GRB10: variants seen among roughly 807,000 people sequenced by gnomAD.
GRB10 encodes the protein growth factor receptor bound protein 10.
Under a neutral mutation model 80.9 loss-of-function variants are expected in GRB10, and 20 were observed. The ratio of observed to expected loss-of-function variants is 0.25; its 90% CI spans 0.17 to 0.36. The LOEUF (loss-of-function observed/expected upper bound fraction) is 0.36. GRB10 is among the 10% of genes least tolerant of loss of function. The pLI, the probability that GRB10 is intolerant of heterozygous loss-of-function variation, is 1.00. For synonymous variants in GRB10, 291 were observed against 291.5 expected, an observed-to-expected ratio of 1.00 and a Z score of 0.02; for missense variants, 548 against 747.7, an observed-to-expected ratio of 0.73 and a Z score of 3.12.
intron 7 of GRB10, among the ~76,000 whole-genome samples, chr7:50,653,489 T>C (rs1210680020): frequency 6.6e-6 from 1 of 152,180 alleles, no homozygotes; most frequent in African/African-American, 2.4e-5. Context: ...GGTCTGACAT[T>C]TTCATCTCAT....
chr7:50,631,026 A>T (rs1447461311), intron 7 of GRB10, among the ~76,000 whole-genome samples: 1 of 152,150 alleles, frequency 6.6e-6, no homozygotes, highest in Non-Finnish European at 1.5e-5. Context: ...CCACGGCCCC[A>T]AACTCCACTC....
chr7:50,645,712 G>C (rs754375423), intron 7 of GRB10: 43 of 692,628 alleles, frequency 6.2e-5, no homozygotes, highest in Non-Finnish European at 7.5e-5. Context: ...TCCCAGACAG[G>C]CTCAGTAAAC....
intron 2 of GRB10, among the ~76,000 whole-genome samples, chr7:50,775,231 T>C (rs575198864): frequency 9.4e-6 from 1 of 106,114 alleles, no homozygotes; most frequent in South Asian, 2.9e-4. Context: ...AAGGGAGAAA[T>C]AGGAAAGAAA....
chr7:50,627,472 G>A (rs951296452), intron 7 of GRB10, among the ~76,000 whole-genome samples: 7 of 152,166 alleles, frequency 4.6e-5, no homozygotes, highest in Non-Finnish European at 8.8e-5. Flanking sequence ...AGCCTTTCCC[G>A]CAGCACCTCA....
intron 17 of GRB10, among the ~76,000 whole-genome samples, chr7:50,597,047 A>G (rs2046781771): frequency 1.3e-5 from 2 of 152,240 alleles, no homozygotes; most frequent in African/African-American, 4.8e-5. Context: ...CCAGGTCTAG[A>G]TTGTAATGTG....
intron 5 of GRB10, among the ~76,000 whole-genome samples, chr7:50,696,159 A>G (rs184106741): frequency 3.3e-5 from 5 of 152,336 alleles, no homozygotes; most frequent in African/African-American, 9.6e-5. Flanking sequence ...ATTGAAATGG[A>G]TATACATGCA....
intron 1 of GRB10, chr7:50,781,255 G>C (rs2078240921): frequency 6.6e-6 from 1 of 152,300 alleles, no homozygotes; most frequent in Non-Finnish European, 1.5e-5. Context: ...CCGTCCTTCA[G>C]CGCGTGGCTG....
At chr7:50,641,369 T>C (rs138874904) in intron 7 of GRB10, among the ~76,000 whole-genome samples, 1 of 152,272 alleles carries the variant, frequency 6.6e-6, no homozygotes, top group African/African-American at 2.4e-5. Context: ...CATTCAACAT[T>C]GCACCAAGAT....
chr7:50,783,946 G>A (rs112745459), upstream of GRB10, among the ~76,000 whole-genome samples: 1 of 152,218 alleles, frequency 6.6e-6, no homozygotes, highest in Non-Finnish European at 1.5e-5. Flanking sequence ...TCCAAAAGGA[G>A]AGGTTCCACG....
At chr7:50,695,127 C>T (rs767729785) in intron 5 of GRB10, among the ~76,000 whole-genome samples, 4 of 152,114 alleles carry the variant, frequency 2.6e-5, no homozygotes, top group Non-Finnish European at 5.9e-5. Context: ...ACTGCCTACA[C>T]ACTGCCTCGT....
intron 2 of GRB10, among the ~76,000 whole-genome samples, chr7:50,763,004 G>A (rs1357939846): frequency 6.6e-6 from 1 of 152,064 alleles, no homozygotes; most frequent in Non-Finnish European, 1.5e-5. Context: ...TGTAGTCCCA[G>A]CTACTCAGGA....
intron 2 of GRB10, among the ~76,000 whole-genome samples, chr7:50,759,192 C>CAAA (rs57526722): frequency 2.6e-4 from 29 of 113,580 alleles, no homozygotes; most frequent in Non-Finnish European, 2.6e-4. Flanking sequence ...GACTCTGCCT[C>CAAA]AAAAAAAAAA....
In GRB10 at chr7:50,792,713, C is replaced by T. The variant is rs1388437060; in HGVS notation, c.-294+511G>A. 13 of 334,008 alleles carry T rather than the reference C, an allele frequency of 3.9e-5. No individual in the cohort carries two copies. The Admixed American group carries it at 6.3e-4, about 16-fold the overall frequency. The allele number at this position is 334,008 out of a possible 1,614,324, so 20.7% of individuals were successfully genotyped here. A position where few individuals can be genotyped will look rare whatever the true frequency, so the allele number is the denominator to read the frequency against. On this transcript the variant is annotated intron_variant, in intron 1 of 16. Coordinates refer to the GRB10 transcript ENST00000335866. ...ATTTGGGAGTGTCTGGCACCACTGT[C>T]CCGGACGCCCGGACGCCCGGGCGCG...
chr7:50,632,473 G>A (rs946832106), intron 7 of GRB10, among the ~76,000 whole-genome samples: 1 of 152,290 alleles, frequency 6.6e-6, no homozygotes. Flanking sequence ...TCAAATACTG[G>A]AGGAGCCCCC....
At chr7:50,605,248 C>T in intron 15 of GRB10, 42 bp downstream of exon 15, 1 of 1,475,594 alleles carries the variant, frequency 6.8e-7, no homozygotes, top group Non-Finnish European at 9.4e-7. Context: ...GGGCTACCAC[C>T]TTGAGGGTGC....
intron 2 of GRB10, among the ~76,000 whole-genome samples, chr7:50,760,518 T>C (rs1238175469): frequency 3.3e-5 from 5 of 152,222 alleles, no homozygotes; most frequent in Non-Finnish European, 5.9e-5. Flanking sequence ...AGTTTTTTTC[T>C]TAGAACTAGT....
intron 7 of GRB10, among the ~76,000 whole-genome samples, chr7:50,632,212 CAT>C (rs1413535915): frequency 6.6e-6 from 1 of 152,206 alleles, no homozygotes; most frequent in Non-Finnish European, 1.5e-5. Flanking sequence ...AAGCACTACA[CAT>C]GATTATATGG....
chr7:50,723,557 T>C (rs1057175464), intron 4 of GRB10, among the ~76,000 whole-genome samples: 2 of 152,140 alleles, frequency 1.3e-5, no homozygotes, highest in Non-Finnish European at 2.9e-5. Context: ...AGGAAGACGA[T>C]GAAGGGTTTT....
intron 2 of GRB10, among the ~76,000 whole-genome samples, chr7:50,764,427 G>A (rs1169563198): frequency 2.0e-5 from 3 of 152,190 alleles, no homozygotes; most frequent in East Asian, 1.9e-4. Context: ...TCTTAGCACA[G>A]GGCCAAGTGG....
Sources: gnomAD v4.1 joint callset for allele counts (sites outside exome capture counted in the v4.1 genomes callset) on GRCh38, gnomAD v4.1.1 for gene constraint, MANE v1.5 for transcripts, NCBI Gene and HGNC (gene_info 2026-07-23, HGNC 2026-07-21) for gene names.